NCAPH: variants seen among roughly 807,000 people sequenced by gnomAD.
NCAPH encodes the protein non-SMC condensin I complex subunit H, also known as condensin complex subunit 2.
NCAPH carries 38 observed loss-of-function variants against 85.5 expected under a neutral mutation model. The observed-to-expected ratio is 0.44, with a 90% confidence interval of 0.34 to 0.58. The LOEUF (loss-of-function observed/expected upper bound fraction) is 0.58, where lower values mean the gene tolerates loss of function less well. NCAPH is among the 20% of genes least tolerant of loss of function. NCAPH has a pLI of 0.01. For missense variants in NCAPH, 789 were observed against 916.6 expected, an observed-to-expected ratio of 0.86 and a Z score of 1.80; for synonymous variants, 301 against 335.1, an observed-to-expected ratio of 0.90 and a Z score of 1.11.
In NCAPH at chr2:96,358,918, AATT is replaced by A. The variant is rs1360216739; in HGVS notation, c.1209-122_1209-120del. 76 of 865,684 alleles carry A rather than the reference AATT, an allele frequency of 8.8e-5. No individual in the cohort carries two copies. In the South Asian group the frequency reaches 1.6e-3, roughly 18 times the overall value. 53.6% of individuals were successfully genotyped at this position (865,684 alleles called of 1,614,324 possible). A position where few individuals can be genotyped will look rare whatever the true frequency, so the allele number is the denominator to read the frequency against. On this transcript the variant is annotated intron_variant, in intron 9 of 17. Coordinates refer to ENST00000240423, the MANE Select transcript of NCAPH (RefSeq NM_015341.5). ...GGAAAAGTACTTGAGAAGTAAAAGGAATTATTAATAATGAAGTTATTTGTATTG... is the reference window on the plus strand; with the variant it reads ...GGAAAAGTACTTGAGAAGTAAAAGGAATTAATAATGAAGTTATTTGTATTG...
chr2:96,360,921 A>G (rs1445166834), intron 12 of NCAPH, among the ~76,000 whole-genome samples: 4 of 151,948 alleles, frequency 2.6e-5, no homozygotes, highest in African/African-American at 9.7e-5. Flanking sequence ...GAAATACCTT[A>G]CCTGGCAAGA....
At chr2:96,369,280 C>A in intron 16 of NCAPH, 145 bp from the exon 17 acceptor site, 1 of 847,886 alleles carries the variant, frequency 1.2e-6, no homozygotes, top group Non-Finnish European at 1.9e-6. Context: ...AAATAAGAAA[C>A]TAGAAAAATC....
chr2:96,338,258 A>AG, intron 1 of NCAPH, among the ~76,000 whole-genome samples: 1 of 150,036 alleles, frequency 6.7e-6, no homozygotes, highest in East Asian at 2.0e-4. Flanking sequence ...AAAAAAAAAA[A>AG]AAAAAGCAAA....
chr2:96,339,556 A>G (rs1158318180), intron 1 of NCAPH, among the ~76,000 whole-genome samples: 1 of 147,972 alleles, frequency 6.8e-6, no homozygotes, highest in East Asian at 2.0e-4. Flanking sequence ...CCGTCACTGC[A>G]CTCCAGCCTG....
At chr2:96,353,011 C>G (rs959239536) in intron 7 of NCAPH, among the ~76,000 whole-genome samples, 4 of 152,236 alleles carry the variant, frequency 2.6e-5, no homozygotes, top group African/African-American at 9.6e-5. Context: ...GAATTCATTT[C>G]AGAATCGAAT....
At position 96,344,237 on chromosome 2, in the gene NCAPH, A is replaced by C; in HGVS notation, c.720+8A>C. On this transcript the variant is annotated splice_region_variant and intron_variant, in intron 6 of 17. Coordinates refer to ENST00000240423, the MANE Select transcript of NCAPH (RefSeq NM_015341.5). ...GCAGATCGGAAGTGTGAGGTGAGGA[A>C]CTGTATGCGCAGTGTGGTTTCTGAC... 3 of 1,604,662 alleles carry C rather than the reference A, an allele frequency of 1.9e-6. No individual in the cohort carries two copies. The highest frequency in any genetic ancestry group is 2.5e-6 in the Non-Finnish European group (3 of 1,176,666).
chr2:96,341,935 T>G, intron 2 of NCAPH, 41 bp downstream of exon 2: 1 of 1,604,944 alleles, frequency 6.2e-7, no homozygotes, highest in Non-Finnish European at 8.5e-7. Context: ...GGCAGCCGCC[T>G]TGATATGGGC....
intron 6 of NCAPH, among the ~76,000 whole-genome samples, chr2:96,346,278 G>T (rs1164931813): frequency 6.6e-6 from 1 of 152,148 alleles, no homozygotes; most frequent in Non-Finnish European, 1.5e-5. Context: ...GGAGGGGAAA[G>T]GGTAGGAAAG....
chr2:96,368,697 T>G (rs549577681), intron 15 of NCAPH, among the ~76,000 whole-genome samples: 1 of 152,296 alleles, frequency 6.6e-6, no homozygotes, highest in Non-Finnish European at 1.5e-5. Context: ...TACTGCTTTT[T>G]TTTCTTGTTT....
chr2:96,371,341 T>A (rs569207866), intron 17 of NCAPH, among the ~76,000 whole-genome samples: 1 of 152,046 alleles, frequency 6.6e-6, no homozygotes, highest in South Asian at 2.1e-4. Context: ...AATTTAAGAG[T>A]GTTACTGCTT....
chr2:96,358,183 T>C (rs901723565), intron 9 of NCAPH, among the ~76,000 whole-genome samples: 1 of 152,134 alleles, frequency 6.6e-6, no homozygotes, highest in Non-Finnish European at 1.5e-5. Flanking sequence ...CTTAGACACT[T>C]TACACACGGC....
chr2:96,344,304 C>T lies in NCAPH; in HGVS notation c.720+75C>T. 5 of 1,499,832 alleles carry T rather than the reference C, an allele frequency of 3.3e-6. No individual in the cohort carries two copies. In the South Asian group the frequency reaches 5.6e-5, roughly 17 times the overall value. The allele number at this position is 1,499,832 out of a possible 1,614,324, so 92.9% of individuals were successfully genotyped here. On this transcript the variant is annotated intron_variant, in intron 6 of 17. Transcript: ENST00000240423. ...GGGCTGAGACTTGGCAGGGCTAAGGCTGCCTTGCTGGTATGTGCCTGTTTA... is the reference window on the plus strand; with the variant it reads ...GGGCTGAGACTTGGCAGGGCTAAGGTTGCCTTGCTGGTATGTGCCTGTTTA...
chr2:96,337,170 G>A (rs1260310873), intron 1 of NCAPH, among the ~76,000 whole-genome samples: 1 of 152,212 alleles, frequency 6.6e-6, no homozygotes, highest in Non-Finnish European at 1.5e-5. Context: ...AAGGCAAGGA[G>A]AGAAACCACG....
At chr2:96,342,176 C>G in intron 3 of NCAPH, 36 bp downstream of exon 3, 6 of 1,489,596 alleles carry the variant, frequency 4.0e-6, no homozygotes, top group Non-Finnish European at 5.6e-6. Flanking sequence ...AAGACGTAAT[C>G]CCTTGATCAC....
At chr2:96,351,147 A>G (rs956385129) in intron 6 of NCAPH, among the ~76,000 whole-genome samples, 2 of 152,240 alleles carry the variant, frequency 1.3e-5, no homozygotes, top group Non-Finnish European at 2.9e-5. Context: ...CAGAGGAACA[A>G]TAGAGCCCTG....
intron 9 of NCAPH, among the ~76,000 whole-genome samples, chr2:96,358,495 G>C (rs886308843): frequency 2.0e-5 from 3 of 152,018 alleles, no homozygotes; most frequent in African/African-American, 7.2e-5. Context: ...TTGAGACGGA[G>C]TCTCACTCTG....
rs1360536209 is a variant in NCAPH at position 96,341,901 on chromosome 2, T to A, written c.272+7T>A. The A allele has an allele frequency of 6.2e-7, 1 of 1,607,682 alleles. No individual in the cohort carries two copies. The highest frequency in any genetic ancestry group is 2.2e-5 in the East Asian group (1 of 44,842). On this transcript the variant is annotated splice_region_variant and intron_variant, in intron 2 of 17. Transcript: ENST00000240423. ...TGGCCTCCCCCTCCAGCAGGTGAGG[T>A]GCTCCTGGGCTGTTTCTCCTTGAGG...
Position 96,369,468 on chromosome 2 carries a change from T to C in NCAPH, c.2134T>C (p.Phe712Leu). 1 of 1,614,162 alleles carries C rather than the reference T, an allele frequency of 6.2e-7. No homozygotes were observed. Among genetic ancestry groups the C allele is most frequent in the Non-Finnish European group, 8.5e-7 (1 of 1,179,986 alleles). The change falls in exon 17 of 18, where the codon TTT (phenylalanine) becomes CTT (leucine). Residue 712 changes from phenylalanine to leucine, a missense_variant. Phe to Leu is a conservative substitution (Grantham distance 22). Transcript: ENST00000240423. ...TCAGAACCTCTCCATACCTCTGGCTTTTGCCTGTCTCCTACATTTAGCCAA... is the reference window on the plus strand; with the variant it reads ...TCAGAACCTCTCCATACCTCTGGCTCTTGCCTGTCTCCTACATTTAGCCAA... ...MAQNLSIPLA[F>L]ACLLHLANEK...
chr2:96,366,159 C>T (rs2064696611), intron 14 of NCAPH, 101 bp downstream of exon 14: 3 of 1,298,784 alleles, frequency 2.3e-6, no homozygotes, highest in East Asian at 2.5e-5. Context: ...CTTTTCTTCT[C>T]AGTTTTAACC....
Sources: allele counts gnomAD v4.1 joint callset (sites outside exome capture counted in the v4.1 genomes callset), GRCh38; gene constraint gnomAD v4.1.1; transcripts MANE v1.5; gene names NCBI Gene and HGNC (gene_info 2026-07-23, HGNC 2026-07-21).